Variants in ANAPC13 observed in about 807,000 individuals in gnomAD.
ANAPC13 encodes anaphase-promoting complex subunit 13.
Under a neutral mutation model 9.6 loss-of-function variants are expected in ANAPC13, and 9 were observed. The ratio of observed to expected loss-of-function variants is 0.94; its 90% CI spans 0.57 to 1.64. ANAPC13 has a LOEUF of 1.64. Ranked by LOEUF, ANAPC13 falls within the 40% of genes most tolerant of loss-of-function variation. The pLI is 0.00. For synonymous variants in ANAPC13, 30 were observed against 29.7 expected (o/e 1.01, Z -0.03); for missense variants, 75 against 85.3 (o/e 0.88, Z 0.48).
At position 134,482,912 on chromosome 3, in the gene ANAPC13, C is replaced by A. The variant is rs1934771116; in HGVS notation, c.-8G>T. The stretch of plus-strand genomic sequence containing the variant: ...CTGAACCTCACTGTCCATTTTCCTG[C>A]AGCTTTGATCTTGTCAAATCTGTAA... On this transcript the variant is annotated 5_prime_UTR_variant, in exon 2 of 3. Coordinates refer to ENST00000354910, the MANE Select transcript of ANAPC13 (RefSeq NM_015391.4). 3 of 1,607,840 alleles carry A rather than the reference C, an allele frequency of 1.9e-6. No individual in the cohort carries two copies. Among genetic ancestry groups the A allele is most frequent in the Non-Finnish European group, 1.7e-6 (2 of 1,174,270 alleles).
In ANAPC13 at chr3:134,480,940, C is replaced by T. The variant is rs376184120; in HGVS notation, c.99+1866G>A. On this transcript the variant is annotated intron_variant, in intron 2 of 2. Transcript: ENST00000354910. The stretch of plus-strand genomic sequence containing the variant: ...CATTGCCTTAGAATCGCAAGACAAG[C>T]GAAAGGTGTGGATTAGCAGCAGGGC... 5.3e-5 allele frequency among the ~76,000 whole-genome samples: 8 copies of T among 152,306 alleles called. No individual in the cohort carries two copies. The East Asian group carries it at 7.7e-4, about 15-fold the overall frequency.
intron 2 of ANAPC13, among the ~76,000 whole-genome samples, chr3:134,482,233 C>G (rs982499690): frequency 6.6e-6 from 1 of 152,148 alleles, no homozygotes; most frequent in Admixed American, 6.5e-5. Context: ...TTTATATAAG[C>G]AAAACTTTTG....
chr3:134,480,948 G>A (rs1934720913), intron 2 of ANAPC13, among the ~76,000 whole-genome samples: 1 of 152,238 alleles, frequency 6.6e-6, no homozygotes, highest in South Asian at 2.1e-4. Context: ...AGCGAAAGGT[G>A]TGGATTAGCA....
chr3:134,483,450 G>A (rs1225109857), intron 1 of ANAPC13, among the ~76,000 whole-genome samples: 1 of 152,204 alleles, frequency 6.6e-6, no homozygotes, highest in East Asian at 1.9e-4. Flanking sequence ...GTGAACACCA[G>A]TGGTAGAACC....
intron 2 of ANAPC13, among the ~76,000 whole-genome samples, chr3:134,481,164 A>T (rs988012697): frequency 2.0e-5 from 3 of 152,166 alleles, no homozygotes; most frequent in African/African-American, 7.2e-5. Context: ...ATGTCACACC[A>T]TCTCTAACAA....
intron 1 of ANAPC13, among the ~76,000 whole-genome samples, chr3:134,484,678 C>A (rs574805019): frequency 6.6e-6 from 1 of 152,326 alleles, no homozygotes; most frequent in Middle Eastern, 3.4e-3. Flanking sequence ...AAGTCCCTGT[C>A]TTACAAGTGC....
At chr3:134,485,899 G>A in intron 1 of ANAPC13, 53 bp downstream of exon 1, 1 of 765,916 alleles carries the variant, frequency 1.3e-6, no homozygotes, top group Non-Finnish European at 1.6e-6. Flanking sequence ...ACTGAGCAAC[G>A]AACGCATTCC....
chr3:134,483,061 G>C (rs1190351754), intron 1 of ANAPC13, 130 bp from the exon 2 acceptor site: 3 of 646,806 alleles, frequency 4.6e-6, no homozygotes, highest in Admixed American at 2.7e-5. Flanking sequence ...ATATGGGCCG[G>C]GTGACTACTT....
chr3:134,479,501 C>A (rs1465504530), intron 2 of ANAPC13, among the ~76,000 whole-genome samples: 2 of 152,070 alleles, frequency 1.3e-5, no homozygotes, highest in Admixed American at 1.3e-4. Context: ...CCATGCCCGG[C>A]TAATTTTGTA....
At chr3:134,485,897 A>G in intron 1 of ANAPC13, 55 bp downstream of exon 1, 1 of 747,758 alleles carries the variant, frequency 1.3e-6, no homozygotes, top group Non-Finnish European at 1.6e-6. Context: ...ACACTGAGCA[A>G]CGAACGCATT....
chr3:134,479,255 G>A (rs571140959), intron 2 of ANAPC13, among the ~76,000 whole-genome samples: 4 of 152,154 alleles, frequency 2.6e-5, no homozygotes, highest in African/African-American at 4.8e-5. Context: ...CTTCTTTAGC[G>A]GGAGCGTGCT....
At chr3:134,485,704 A>C (rs1262331887) in intron 1 of ANAPC13, 5 of 152,552 alleles carry the variant, frequency 3.3e-5, no homozygotes, top group Non-Finnish European at 1.5e-5. Flanking sequence ...TCCGCACCGT[A>C]CGACAGGCCG....
At chr3:134,483,547 A>C (rs1377659334) in intron 1 of ANAPC13, among the ~76,000 whole-genome samples, 1 of 151,928 alleles carries the variant, frequency 6.6e-6, no homozygotes. Flanking sequence ...TTAACGCTAC[A>C]CTCCCTTCAA....
intron 1 of ANAPC13, 139 bp downstream of exon 1, chr3:134,485,813 C>T (rs780842246): frequency 2.3e-5 from 5 of 216,942 alleles, no homozygotes; most frequent in Non-Finnish European, 3.9e-5. Flanking sequence ...TTCCTCCCGA[C>T]ACGAGTGCAG....
chr3:134,481,890 C>G (rs553695680), intron 2 of ANAPC13, among the ~76,000 whole-genome samples: 8 of 152,238 alleles, frequency 5.3e-5, no homozygotes, highest in Non-Finnish European at 1.0e-4. Flanking sequence ...TTTCCAACCT[C>G]AGTCCATGGC....
In ANAPC13 at chr3:134,483,311, T is replaced by C. The variant is rs539275399; in HGVS notation, c.-27-380A>G. 3 of 172,610 alleles carry C rather than the reference T, an allele frequency of 1.7e-5. No individual in the cohort carries two copies. In the South Asian group the frequency reaches 4.3e-4, roughly 25 times the overall value. 10.7% of individuals were successfully genotyped at this position (172,610 alleles called of 1,614,324 possible). A position where few individuals can be genotyped will look rare whatever the true frequency, so the allele number is the denominator to read the frequency against. ...CCCTGATTCATAATGGCCAGCTAAG[T>C]TTCCTTTCTAGCCCCTGGCTCAAAC... On this transcript the variant is annotated intron_variant, in intron 1 of 2. Coordinates refer to ENST00000354910, the MANE Select transcript of ANAPC13 (RefSeq NM_015391.4).
chr3:134,480,502 G>A (rs1159333252), intron 2 of ANAPC13, among the ~76,000 whole-genome samples: 1 of 152,202 alleles, frequency 6.6e-6, no homozygotes. Context: ...TCTTGGATTT[G>A]GACTGGCCCT....
At chr3:134,478,951 G>C (rs923079331) in intron 2 of ANAPC13, among the ~76,000 whole-genome samples, 4 of 152,202 alleles carry the variant, frequency 2.6e-5, no homozygotes, top group African/African-American at 9.7e-5. Context: ...ATTTGTGAAG[G>C]AGGCACTGTG....
At chr3:134,479,840 T>C (rs1040210796) in intron 2 of ANAPC13, among the ~76,000 whole-genome samples, 31 of 152,236 alleles carry the variant, frequency 2.0e-4, no homozygotes, top group Non-Finnish European at 2.1e-4. Context: ...CTGGGATCAT[T>C]TACTTGTATT....
Sources: gnomAD v4.1 joint callset for allele counts (sites outside exome capture counted in the v4.1 genomes callset) on GRCh38, gnomAD v4.1.1 for gene constraint, MANE v1.5 for transcripts, NCBI Gene and HGNC (gene_info 2026-07-23, HGNC 2026-07-21) for gene names.